Variants in SOX5 observed in about 807,000 individuals in gnomAD.
SOX5 encodes transcription factor SOX-5.
A neutral mutation model predicts 92.0 loss-of-function variants in SOX5; 9 were observed. The observed-to-expected ratio is 0.10, with a 90% confidence interval of 0.06 to 0.17. The LOEUF (loss-of-function observed/expected upper bound fraction) is 0.17. Among genes scored for constraint, SOX5 ranks in the 10% least tolerant of loss-of-function variants. SOX5 has a pLI of 1.00. For synonymous variants in SOX5, 344 were observed against 336.3 expected, an observed-to-expected ratio of 1.02 and a Z score of -0.25; for missense variants, 642 against 944.5, an observed-to-expected ratio of 0.68 and a Z score of 4.20.
intron 3 of SOX5, among the ~76,000 whole-genome samples, chr12:23,828,795 CT>C (rs2096271546): frequency 6.6e-6 from 1 of 151,068 alleles, no homozygotes; most frequent in African/African-American, 2.4e-5. Flanking sequence ...CAAACAAGTT[CT>C]TCTCCTAAGC....
chr12:23,986,074 A>C (rs965024841), intron 4 of SOX5, among the ~76,000 whole-genome samples: 4 of 152,332 alleles, frequency 2.6e-5, no homozygotes, highest in Admixed American at 6.5e-5. Flanking sequence ...ACTGATTAGC[A>C]ACCTTAATTT....
intron 2 of SOX5, among the ~76,000 whole-genome samples, chr12:23,892,210 G>A (rs937208237): frequency 6.6e-6 from 1 of 152,158 alleles, no homozygotes; most frequent in Admixed American, 6.5e-5. Context: ...GGAGGTCAGT[G>A]AAAGCATCTA....
intron 1 of SOX5, among the ~76,000 whole-genome samples, chr12:24,497,435 C>A (rs1947754178): frequency 6.6e-6 from 1 of 152,308 alleles, no homozygotes; most frequent in East Asian, 1.9e-4. Context: ...AGCCTTCTGA[C>A]AGCGAGGTGT....
intron 4 of SOX5, among the ~76,000 whole-genome samples, chr12:24,128,081 C>G (rs1296951439): frequency 6.6e-6 from 1 of 152,172 alleles, no homozygotes; most frequent in African/African-American, 2.4e-5. Flanking sequence ...GTTAACTTCA[C>G]TGGAGGGTTT....
At chr12:24,103,659 T>C (rs1167581137) in intron 4 of SOX5, among the ~76,000 whole-genome samples, 1 of 152,226 alleles carries the variant, frequency 6.6e-6, no homozygotes, top group Non-Finnish European at 1.5e-5. Flanking sequence ...AATAATAAAG[T>C]ATAAAAGCTT....
At chr12:23,659,144 G>A (rs2082697734) in intron 7 of SOX5, among the ~76,000 whole-genome samples, 1 of 152,108 alleles carries the variant, frequency 6.6e-6, no homozygotes, top group Non-Finnish European at 1.5e-5. Context: ...TCAGAAATTA[G>A]TATGCAGTCT....
chr12:24,336,641 A>G (rs1237821393), intron 2 of SOX5, among the ~76,000 whole-genome samples: 1 of 152,226 alleles, frequency 6.6e-6, no homozygotes. Flanking sequence ...ACTTTCATAA[A>G]GTACTCATTA....
intron 4 of SOX5, among the ~76,000 whole-genome samples, chr12:24,174,680 G>A (rs1593926095): frequency 1.3e-5 from 2 of 152,158 alleles, no homozygotes; most frequent in South Asian, 4.1e-4. Context: ...AATTAGCCAG[G>A]TGTGGTGGCT....
chr12:24,130,034 A>C (rs1393430508), intron 4 of SOX5, among the ~76,000 whole-genome samples: 1 of 152,206 alleles, frequency 6.6e-6, no homozygotes, highest in African/African-American at 2.4e-5. Flanking sequence ...TGTATATTGC[A>C]TGTATCTGGA....
chr12:23,859,733 T>C (rs944107709), intron 2 of SOX5, among the ~76,000 whole-genome samples: 3 of 152,176 alleles, frequency 2.0e-5, no homozygotes, highest in African/African-American at 4.8e-5. Flanking sequence ...TCTGCTGATA[T>C]GTGATGTCAC....
chr12:24,261,568 A>G (rs1431419993), intron 3 of SOX5, among the ~76,000 whole-genome samples: 2 of 152,190 alleles, frequency 1.3e-5, no homozygotes, highest in Non-Finnish European at 2.9e-5. Context: ...CTGAATATTG[A>G]CACTTCCCCT....
intron 4 of SOX5, among the ~76,000 whole-genome samples, chr12:24,055,144 G>A (rs1180463744): frequency 6.6e-6 from 1 of 152,136 alleles, no homozygotes; most frequent in Non-Finnish European, 1.5e-5. Flanking sequence ...TTTAGTTTGG[G>A]AAAAAAGCCA....
intron 1 of SOX5, chr12:23,944,077 G>A (rs533808294): frequency 6.6e-6 from 1 of 152,108 alleles, no homozygotes; most frequent in East Asian, 1.9e-4. Context: ...GTCCTAAAAC[G>A]ACATTGTTTA....
At chr12:24,441,608 T>C (rs1940602060) in intron 1 of SOX5, among the ~76,000 whole-genome samples, 1 of 152,142 alleles carries the variant, frequency 6.6e-6, no homozygotes, top group Admixed American at 6.5e-5. Context: ...AGACACAAGT[T>C]CATGGTAAGT....
intron 3 of SOX5, among the ~76,000 whole-genome samples, chr12:23,836,121 T>C (rs936583291): frequency 2.0e-5 from 3 of 151,882 alleles, no homozygotes; most frequent in Non-Finnish European, 4.4e-5. Context: ...CATAATTATA[T>C]ATTCAATGTC....
intron 4 of SOX5, among the ~76,000 whole-genome samples, chr12:24,188,147 T>A (rs780547472): frequency 5.3e-5 from 8 of 152,170 alleles, no homozygotes; most frequent in Non-Finnish European, 1.2e-4. Context: ...AATGCTTCTC[T>A]TTTCAAGTAA....
intron 1 of SOX5, among the ~76,000 whole-genome samples, chr12:24,417,828 G>C (rs756341237): frequency 2.4e-4 from 37 of 152,082 alleles, no homozygotes; most frequent in Non-Finnish European, 4.4e-4. Context: ...TGGAACACAG[G>C]GTATATGAGA....
intron 3 of SOX5, among the ~76,000 whole-genome samples, chr12:23,790,539 CTCAA>C (rs201545803): frequency 0.12 from 13,435 of 107,688 alleles, 743 homozygotes; most frequent in Non-Finnish European, 0.17. Context: ...CTCTCTCTCT[CTCAA>C]TCTCTCACAC....
At chr12:23,861,720 T>G (rs1568423659) in intron 2 of SOX5, among the ~76,000 whole-genome samples, 1 of 152,158 alleles carries the variant, frequency 6.6e-6, no homozygotes, top group African/African-American at 2.4e-5. Flanking sequence ...AAAGAGTCAT[T>G]TTCTTTAAGT....
Sources: allele counts gnomAD v4.1 joint callset (sites outside exome capture counted in the v4.1 genomes callset), GRCh38; gene constraint gnomAD v4.1.1; transcripts MANE v1.5; gene names NCBI Gene and HGNC (gene_info 2026-07-23, HGNC 2026-07-21).